Variants in KHDRBS1 observed in about 807,000 individuals in gnomAD.
KHDRBS1 encodes the protein KH RNA binding domain containing, signal transduction associated 1, also known as KH domain-containing, RNA-binding, signal transduction-associated protein 1.
KHDRBS1 carries 7 observed loss-of-function variants against 48.4 expected under a neutral mutation model. The ratio of observed to expected loss-of-function variants is 0.14; its 90% confidence interval spans 0.08 to 0.27. The LOEUF is 0.27. KHDRBS1 is among the 10% of genes least tolerant of loss of function. The pLI is 1.00. For missense variants in KHDRBS1, 458 were observed against 601.2 expected (o/e 0.76, Z 2.49); for synonymous variants, 241 against 235.8 (o/e 1.02, Z -0.20).
At chr1:32,037,800 A>G in intron 5 of KHDRBS1, 35 bp from the exon 6 acceptor site, 13 of 1,602,176 alleles carry the variant, frequency 8.1e-6, no homozygotes, top group Non-Finnish European at 1.0e-5. Flanking sequence ...CCTGTTTATA[A>G]AAAGCTCCAT....
At chr1:32,034,406 C>A (rs1358360906) in intron 4 of KHDRBS1, among the ~76,000 whole-genome samples, 1 of 151,952 alleles carries the variant, frequency 6.6e-6, no homozygotes, top group Admixed American at 6.6e-5. Context: ...ATTAAAAATA[C>A]AAAATTAGCC....
At chr1:32,037,812 T>A in intron 5 of KHDRBS1, 23 bp from the exon 6 acceptor site, 1 of 1,606,752 alleles carries the variant, frequency 6.2e-7, no homozygotes, top group South Asian at 1.1e-5. Flanking sequence ...AAGCTCCATT[T>A]AAGATAAACT....
chr1:32,037,070 T>C (rs369633180), intron 5 of KHDRBS1, 27 bp downstream of exon 5: 142 of 1,609,986 alleles, frequency 8.8e-5, no homozygotes, highest in Non-Finnish European at 1.2e-4. Flanking sequence ...CACCCAGAAA[T>C]AGGATGTGAA....
chr1:32,018,966 G>C lies in KHDRBS1; in HGVS notation c.382+4589G>C, dbSNP rs925250307. Among the ~76,000 whole-genome samples the C allele has an allele frequency of 7.9e-5, 12 of 151,308 alleles. No homozygotes were observed. In the East Asian group the frequency reaches 2.4e-3, roughly 30 times the overall value. ...CGTGCCTGTAATCCTAGCTACTCGG[G>C]AGCCTGTAATTCCAGCTACTCAGGA... is the stretch of plus-strand genomic sequence containing the variant. On this transcript the variant is annotated intron_variant, in intron 1 of 8. Transcript: ENST00000327300.
At chr1:32,040,779 C>T (rs964130582) in intron 8 of KHDRBS1, among the ~76,000 whole-genome samples, 4 of 152,318 alleles carry the variant, frequency 2.6e-5, no homozygotes, top group African/African-American at 9.6e-5. Context: ...ACAGTTCACG[C>T]TAAGATACTG....
At chr1:32,024,344 C>G (rs1353260451) in intron 1 of KHDRBS1, among the ~76,000 whole-genome samples, 1 of 151,982 alleles carries the variant, frequency 6.6e-6, no homozygotes, top group Non-Finnish European at 1.5e-5. Flanking sequence ...GGGTCTTGTT[C>G]TGTCACCCAA....
chr1:32,039,366 G>T (rs1639241416), intron 7 of KHDRBS1, 149 bp from the exon 8 acceptor site: 5 of 617,326 alleles, frequency 8.1e-6, no homozygotes, highest in Non-Finnish European at 1.2e-5. Context: ...TACATATTTT[G>T]GAAATACTTT....
intron 5 of KHDRBS1, among the ~76,000 whole-genome samples, 184 bp downstream of exon 5, chr1:32,037,227 G>A (rs1011191042): frequency 1.3e-5 from 2 of 152,072 alleles, no homozygotes; most frequent in African/African-American, 2.4e-5. Context: ...TAAGGCAGGC[G>A]GATCAACTGA....
At position 32,019,761 on chromosome 1, in the gene KHDRBS1, T is replaced by A. The variant is rs1638820420; in HGVS notation, c.382+5384T>A. 2.0e-5 allele frequency among the ~76,000 whole-genome samples: 3 copies of A among 151,098 alleles called. No homozygotes were observed. In the South Asian group the frequency reaches 6.2e-4, roughly 31 times the overall value. On this transcript the variant is annotated intron_variant, in intron 1 of 8. Coordinates refer to ENST00000327300, the MANE Select transcript of KHDRBS1 (RefSeq NM_006559.3). ...ATACATTTATCTGTGATATTGCAGG[T>A]TTTGTTTTTTTGTTTGTTTGTTTGT...
intron 10 of KHDRBS1, among the ~76,000 whole-genome samples, chr1:32,058,116 CA>C (rs201930047): frequency 4.1e-4 from 54 of 132,436 alleles, no homozygotes; most frequent in Admixed American, 4.6e-4. Flanking sequence ...GAAACTGTCT[CA>C]AAAAAAAAAA....
In KHDRBS1 at chr1:32,036,994, G is replaced by A. The variant is rs1166252251; in HGVS notation, c.856G>A (p.Val286Met). ...ACCTGAACCCTCTCGTGGACGTGGG[G>A]TGCCAGTGAGAGGCCGGGGAGCTGC... ...GVPEPSRGRGVPVRGRGAAPP... is the reference protein window; with the variant it reads ...GVPEPSRGRGMPVRGRGAAPP... The change falls in exon 5 of 9, where the codon GTG (valine) becomes ATG (methionine). Residue 286 changes from valine to methionine, a missense_variant. Val to Met is a conservative substitution (Grantham distance 21). Coordinates refer to ENST00000327300, the MANE Select transcript of KHDRBS1 (RefSeq NM_006559.3). 6.2e-7 allele frequency: 1 copy of A among 1,614,108 alleles called. No homozygotes were observed. Among genetic ancestry groups the A allele is most frequent in the Non-Finnish European group, 8.5e-7 (1 of 1,179,992 alleles).
At chr1:32,039,741 G>A (rs1639248422) in intron 8 of KHDRBS1, among the ~76,000 whole-genome samples, 168 bp downstream of exon 8, 1 of 152,058 alleles carries the variant, frequency 6.6e-6, no homozygotes, top group African/African-American at 2.4e-5. Flanking sequence ...TAAATTTTGC[G>A]GTACATGGTA....
At chr1:32,026,060 G>A (rs909859562) in intron 1 of KHDRBS1, among the ~76,000 whole-genome samples, 3 of 151,424 alleles carry the variant, frequency 2.0e-5, no homozygotes, top group Non-Finnish European at 2.9e-5. Context: ...GATTACAAGC[G>A]CATGTGCCAC....
chr1:32,014,494 C>T (rs566854441), intron 1 of KHDRBS1, 117 bp downstream of exon 1: 1 of 1,058,072 alleles, frequency 9.5e-7, no homozygotes, highest in African/African-American at 1.7e-5. Flanking sequence ...GAGTTCCGGT[C>T]TCATCCTCAT....
At chr1:32,018,757 A>G (rs1569763053) in intron 1 of KHDRBS1, among the ~76,000 whole-genome samples, 1 of 148,916 alleles carries the variant, frequency 6.7e-6, no homozygotes, top group Non-Finnish European at 1.5e-5. Flanking sequence ...ACTCCGTCTC[A>G]AAAACAAACA....
At chr1:32,035,813 A>G (rs1383230940) in intron 4 of KHDRBS1, among the ~76,000 whole-genome samples, 1 of 152,238 alleles carries the variant, frequency 6.6e-6, no homozygotes, top group Admixed American at 6.5e-5. Flanking sequence ...GTGACAGACA[A>G]TTCTAAAATT....
intron 10 of KHDRBS1, among the ~76,000 whole-genome samples, chr1:32,049,275 C>T (rs1209133890): frequency 6.6e-6 from 1 of 151,934 alleles, no homozygotes; most frequent in Non-Finnish European, 1.5e-5. Context: ...AGGCTGGTCT[C>T]GAACTCGTGA....
chr1:32,031,620 T>A lies in KHDRBS1; in HGVS notation c.604T>A (p.Ser202Thr), dbSNP rs1199516245. 2 of 1,608,220 alleles carry A rather than the reference T, an allele frequency of 1.2e-6. No homozygotes were observed. Among genetic ancestry groups the A allele is most frequent in the Non-Finnish European group, 1.7e-6 (2 of 1,177,370 alleles). Reference sequence around the variant, plus strand: ...AAAGATCTCTGTATTGGGAAAGGGCTCAATGAGAGACAAAGCCAAGGTAAG... The same window carrying A: ...AAAGATCTCTGTATTGGGAAAGGGCACAATGAGAGACAAAGCCAAGGTAAG... Reference protein sequence around the residue: ...GAKISVLGKGSMRDKAKEEEL... With the variant: ...GAKISVLGKGTMRDKAKEEEL... The change falls in exon 3 of 9, where the codon TCA (serine) becomes ACA (threonine). Residue 202 changes from serine to threonine, a missense_variant. Around this residue, in one of 3 missense-constraint regions of KHDRBS1, gnomAD observed 74 missense variants for 156.9 expected, o/e 0.47. Transcript: ENST00000327300.
chr1:32,031,873 G>A (rs72876686), intron 3 of KHDRBS1, among the ~76,000 whole-genome samples: 5,715 of 152,234 alleles, frequency 0.038, 345 homozygotes, highest in African/African-American at 0.13. Context: ...TTTTGACTGT[G>A]TAGTAATGGA....
Sources: gnomAD v4.1 joint callset for allele counts (sites outside exome capture counted in the v4.1 genomes callset) on GRCh38, gnomAD v4.1.1 for gene constraint, gnomAD v4.1.1 regional missense constraint, MANE v1.5 for transcripts, NCBI Gene and HGNC (gene_info 2026-07-23, HGNC 2026-07-21) for gene names.